The following CPSF3 variants were observed in gnomAD, a reference collection of about 807,000 sequenced individuals.
CPSF3 encodes cleavage and polyadenylation specificity factor subunit 3.
A neutral mutation model predicts 84.1 loss-of-function variants in CPSF3; 57 were observed. That is an observed-to-expected ratio of 0.68 (90% CI 0.55 to 0.85). CPSF3 has a LOEUF of 0.85. Among genes scored for constraint, CPSF3 ranks in the 40% least tolerant of loss-of-function variants. The probability of loss-of-function intolerance (pLI) is 0.00; values close to 1 mark genes in which losing one functional copy is unlikely to be tolerated. For missense variants in CPSF3, 522 were observed against 838.8 expected (o/e 0.62, Z 4.66); for synonymous variants, 275 against 278.1 (o/e 0.99, Z 0.11).
Position 9,452,898 on chromosome 2 carries a change from AT to A in CPSF3, c.1396-5del, listed in dbSNP as rs146198578. 7.1e-3 allele frequency: 9,120 copies of A among 1,293,058 alleles called. No individual in the cohort carries two copies. Among genetic ancestry groups the A allele is most frequent in the South Asian group, 9.5e-3 (632 of 66,596 alleles). The allele number at this position is 1,293,058 out of a possible 1,614,324, so 80.1% of individuals were successfully genotyped here. On this transcript the variant is annotated splice_polypyrimidine_tract_variant and intron_variant, in intron 11 of 17. Transcript: ENST00000238112. ...TTACCAGGTTCTATTTTCTTCAAGT[AT>A]TTTTTTTTTACAGGTTATGGGATTT...
At chr2:9,429,798 C>CGT in intron 2 of CPSF3, 125 bp from the exon 3 acceptor site, 1 of 618,778 alleles carries the variant, frequency 1.6e-6, no homozygotes, top group South Asian at 2.0e-5. Flanking sequence ...AATCATGTTC[C>CGT]AAGTGCTAGT....
chr2:9,458,946 C>G (rs1265136822), intron 14 of CPSF3, among the ~76,000 whole-genome samples: 1 of 151,978 alleles, frequency 6.6e-6, no homozygotes, highest in Non-Finnish European at 1.5e-5. Flanking sequence ...AACCCTGTCT[C>G]TACTAAAAAT....
Position 9,433,880 on chromosome 2 carries a change from A to G in CPSF3, c.529A>G (p.Thr177Ala). 6.2e-7 allele frequency: 1 copy of G among 1,608,816 alleles called. No individual in the cohort carries two copies. Among genetic ancestry groups the G allele is most frequent in the Non-Finnish European group, 8.5e-7 (1 of 1,176,290 alleles). ...TTTATCTTTTTCACAGCTTTTGTACACTGGTGATTTCTCAAGACAAGAAGA... is the reference window on the plus strand; with the variant it reads ...TTTATCTTTTTCACAGCTTTTGTACGCTGGTGATTTCTCAAGACAAGAAGA... ...IEIAGVKLLY[T>A]GDFSRQEDRH... Residue 177 changes from threonine (T) to alanine (A), a missense_variant, in exon 6 of 18, where the codon ACT becomes GCT. Thr to Ala is a moderately conservative substitution (Grantham distance 58). Transcript: ENST00000238112.
intron 14 of CPSF3, among the ~76,000 whole-genome samples, chr2:9,457,959 T>C (rs1012332100): frequency 6.6e-6 from 1 of 152,126 alleles, no homozygotes; most frequent in East Asian, 1.9e-4. Flanking sequence ...TTTCACCACA[T>C]TGGCCAGGAT....
chr2:9,457,605 G>A (rs193007183), intron 14 of CPSF3, among the ~76,000 whole-genome samples: 8 of 152,214 alleles, frequency 5.3e-5, no homozygotes, highest in Admixed American at 2.0e-4. Context: ...TGATAGATTG[G>A]CACCTATTAA....
At chr2:9,444,637 CTTG>C (rs766827338) in intron 10 of CPSF3, among the ~76,000 whole-genome samples, 1 of 146,674 alleles carries the variant, frequency 6.8e-6, no homozygotes, top group Non-Finnish European at 1.5e-5. Context: ...TGTTTGTTTG[CTTG>C]TTGTTTGGGG....
intron 6 of CPSF3, among the ~76,000 whole-genome samples, chr2:9,435,215 A>G (rs1056864289): frequency 3.9e-5 from 6 of 152,170 alleles, no homozygotes; most frequent in African/African-American, 1.4e-4. Context: ...TGGTCAGTGG[A>G]CCATACCTAG....
intron 7 of CPSF3, among the ~76,000 whole-genome samples, chr2:9,440,016 CTTTT>C (rs146776505): frequency 3.3e-5 from 5 of 151,358 alleles, no homozygotes; most frequent in African/African-American, 1.2e-4. Context: ...TATGACTATA[CTTTT>C]TTTTTAAGTG....
intron 1 of CPSF3, chr2:9,424,808 A>C (rs1680307741): frequency 6.6e-6 from 1 of 152,224 alleles, no homozygotes; most frequent in Non-Finnish European, 1.5e-5. Flanking sequence ...ACAGTGGGAA[A>C]TATTGGAGAG....
chr2:9,473,074 A>G lies in CPSF3; in HGVS notation c.*57A>G. On this transcript the variant is annotated 3_prime_UTR_variant, in exon 18 of 18. Transcript: ENST00000238112. The stretch of plus-strand genomic sequence containing the variant: ...ACTTGACTCTACTTTTGTTACCTAA[A>G]ATAAAATGCATTCGTTTCTCTGGGG... 6 of 1,233,980 alleles carry G rather than the reference A, an allele frequency of 4.9e-6. No individual in the cohort carries two copies. The highest frequency in any genetic ancestry group is 7.0e-6 in the Non-Finnish European group (6 of 852,734). 76.4% of individuals were successfully genotyped at this position (1,233,980 alleles called of 1,614,324 possible).
At chr2:9,443,774 C>G (rs1681034424) in intron 10 of CPSF3, 113 bp downstream of exon 10, 2 of 1,138,244 alleles carry the variant, frequency 1.8e-6, no homozygotes, top group Non-Finnish European at 2.5e-6. Context: ...TGCGACACCC[C>G]CTGAGCAGAG....
chr2:9,427,707 A>G (rs571271045), intron 1 of CPSF3, among the ~76,000 whole-genome samples: 10 of 152,216 alleles, frequency 6.6e-5, no homozygotes, highest in Admixed American at 2.6e-4. Flanking sequence ...AGGCATTTCC[A>G]TGTCCTAGGC....
intron 4 of CPSF3, among the ~76,000 whole-genome samples, 166 bp from the exon 5 acceptor site, chr2:9,432,344 TA>T (rs34229646): frequency 6.7e-5 from 10 of 150,144 alleles, no homozygotes; most frequent in East Asian, 2.0e-4. Context: ...CACAATAGAG[TA>T]AAAAAAAAAT....
rs1681552959 is a variant in CPSF3 at position 9,456,979 on chromosome 2, G to C, written c.1650G>C (p.Val550=). 6.2e-7 allele frequency: 1 copy of C among 1,604,194 alleles called. No individual in the cohort carries two copies. The highest frequency in any genetic ancestry group is 8.5e-7 in the Non-Finnish European group (1 of 1,174,546). The change falls in exon 14 of 18, where the codon GTG becomes GTC. Residue 550 remains valine (V), a synonymous_variant. Coordinates refer to ENST00000238112, the MANE Select transcript of CPSF3 (RefSeq NM_016207.4). ...TTCAAGAAAAACCTGCTCTGAAAGT[G>C]TTCAAAAATATTACTGTAATACAAG... The part of the protein sequence containing the change: ...LEIQEKPALK[V]FKNITVIQEP...
At chr2:9,429,532 C>A (rs1010156458) in intron 2 of CPSF3, among the ~76,000 whole-genome samples, 1 of 152,172 alleles carries the variant, frequency 6.6e-6, no homozygotes, top group Non-Finnish European at 1.5e-5. Flanking sequence ...TTACCCTGAT[C>A]AGGTAAGTTT....
intron 1 of CPSF3, 63 bp downstream of exon 1, chr2:9,423,886 A>C: frequency 1.3e-6 from 2 of 1,593,300 alleles, no homozygotes; most frequent in Non-Finnish European, 1.7e-6. Flanking sequence ...GGGTAACCGG[A>C]GACTGGCCTC....
At position 9,436,352 on chromosome 2, in the gene CPSF3, T is replaced by A; in HGVS notation, c.751T>A (p.Leu251Met). ...TCTTGGAAGGGCTCAGGAGCTGCTC[T>A]TGATTCTAGGTATGCCATTTCCTTT... is the stretch of plus-strand genomic sequence containing the variant. ...FALGRAQELL[L>M]ILDEYWQNHP... is the part of the protein sequence containing the mutation. The change falls in exon 7 of 18, where the codon TTG (leucine) becomes ATG (methionine). Residue 251 changes from leucine to methionine, a missense_variant. Around this residue, in one of 2 missense-constraint regions of CPSF3, gnomAD observed 329 missense variants for 607.2 expected, o/e 0.54. Coordinates refer to ENST00000238112, the MANE Select transcript of CPSF3 (RefSeq NM_016207.4). 1 of 1,606,684 alleles carries A rather than the reference T, an allele frequency of 6.2e-7. No homozygotes were observed. The highest frequency in any genetic ancestry group is 8.5e-7 in the Non-Finnish European group (1 of 1,177,724).
Position 9,423,844 on chromosome 2 carries a change from G to A in CPSF3, c.50+21G>A, listed in dbSNP as rs748573307. 3.1e-6 allele frequency: 5 copies of A among 1,611,302 alleles called. 1 individual carries two copies. In the South Asian group the frequency reaches 4.4e-5, roughly 14 times the overall value. On this transcript the variant is annotated intron_variant, in intron 1 of 17. Coordinates refer to ENST00000238112, the MANE Select transcript of CPSF3 (RefSeq NM_016207.4). ...CCCCTGTAAGGGACCAGCGAGAGAG[G>A]GAATGAAGCCACGGGCTGTGAGGGG...
rs759124668 is a variant in CPSF3, at chr2:9,431,529, AT to A, written c.341+659del. On this transcript the variant is annotated intron_variant, in intron 4 of 17. Transcript: ENST00000238112. ...CACACAAAGATAAATAAATATACAT[AT>A]TTTTTTTTTCTTTTTTTTTTTCTTT... Among the ~76,000 whole-genome samples, 66 of 131,724 alleles carry A rather than the reference AT, an allele frequency of 5.0e-4. 2 individuals carry two copies. Among genetic ancestry groups the A allele is most frequent in the East Asian group, 1.7e-3 (8 of 4,826 alleles). The allele number at this position is 131,724 out of a possible 152,430, so 86.4% of individuals were successfully genotyped here.
Sources: gnomAD v4.1 joint callset for allele counts (sites outside exome capture counted in the v4.1 genomes callset) on GRCh38, gnomAD v4.1.1 for gene constraint, gnomAD v4.1.1 regional missense constraint, MANE v1.5 for transcripts, NCBI Gene and HGNC (gene_info 2026-07-23, HGNC 2026-07-21) for gene names.